COL21A1: variants seen among roughly 807,000 people sequenced by gnomAD.
COL21A1 encodes collagen type XXI alpha 1 chain, also known as collagen alpha-1(XXI) chain.
COL21A1 carries 149 observed loss-of-function variants against 137.9 expected under a neutral mutation model. The observed-to-expected ratio is 1.08, with a 90% CI of 0.95 to 1.24. COL21A1 has a LOEUF of 1.24. Among genes scored for constraint, COL21A1 ranks in the 50% most tolerant of loss-of-function variants. The pLI is 0.00. For synonymous variants in COL21A1, 456 were observed against 391.5 expected (o/e 1.16, Z -1.95); for missense variants, 1,167 against 1,158.4 (o/e 1.01, Z -0.11).
intron 1 of COL21A1, among the ~76,000 whole-genome samples, chr6:56,192,889 C>G (rs894379677): frequency 2.4e-4 from 36 of 152,142 alleles, no homozygotes; most frequent in Non-Finnish European, 4.6e-4. Context: ...CAGCACTATT[C>G]ACAATGGCAA....
chr6:56,361,566 G>T (rs76754076), intron 1 of COL21A1, among the ~76,000 whole-genome samples: 4,840 of 152,200 alleles, frequency 0.032, 121 homozygotes, highest in Non-Finnish European at 0.05. Context: ...GGTTACTACA[G>T]GAAGATAAAG....
chr6:56,384,088 A>C (rs2094013415), intron 1 of COL21A1, among the ~76,000 whole-genome samples: 1 of 152,138 alleles, frequency 6.6e-6, no homozygotes, highest in South Asian at 2.1e-4. Flanking sequence ...GCATACAGTC[A>C]CACCAGAGTC....
chr6:56,224,462 T>C (rs1349850973), intron 1 of COL21A1, among the ~76,000 whole-genome samples: 2 of 152,142 alleles, frequency 1.3e-5, no homozygotes, highest in African/African-American at 4.8e-5. Context: ...TAGTCTGTAC[T>C]TTATTTTATA....
chr6:56,354,548 G>A (rs747294602), intron 1 of COL21A1, among the ~76,000 whole-genome samples: 7 of 152,146 alleles, frequency 4.6e-5, no homozygotes, highest in Non-Finnish European at 1.0e-4. Context: ...ATTGGCCACA[G>A]ATAGAAGAAT....
chr6:56,356,767 A>G lies in COL21A1; in HGVS notation c.-39+37204T>C, dbSNP rs78638840. Among the ~76,000 whole-genome samples the G allele has an allele frequency of 9.2e-5, 14 of 152,262 alleles. No homozygotes were observed. In the East Asian group the frequency reaches 9.7e-4, roughly 11 times the overall value. On this transcript the variant is annotated intron_variant, in intron 1 of 28. Coordinates refer to the COL21A1 transcript ENST00000370819. ...TGCTGAAAATAATTAAAATTTCTCC[A>G]TGGAGGAGCCCTGCTGCCCAATTAC... is the stretch of plus-strand genomic sequence containing the variant.
intron 1 of COL21A1, among the ~76,000 whole-genome samples, chr6:56,284,481 C>A (rs1763857385): frequency 6.6e-6 from 1 of 152,248 alleles, no homozygotes; most frequent in South Asian, 2.1e-4. Context: ...ATTTGATTAA[C>A]AAGACTGTGT....
intron 1 of COL21A1, among the ~76,000 whole-genome samples, chr6:56,236,213 C>A (rs530371997): frequency 6.6e-6 from 1 of 152,094 alleles, no homozygotes; most frequent in East Asian, 1.9e-4. Context: ...CATATATTAG[C>A]TGTCTTCAAA....
At chr6:56,265,104 G>C (rs138749179) in intron 1 of COL21A1, among the ~76,000 whole-genome samples, 1 of 152,212 alleles carries the variant, frequency 6.6e-6, no homozygotes, top group African/African-American at 2.4e-5. Flanking sequence ...AGCAGGAGGA[G>C]AGGACAGTTG....
intron 9 of COL21A1, among the ~76,000 whole-genome samples, chr6:56,161,875 C>T (rs779076006): frequency 3.0e-4 from 46 of 152,114 alleles, no homozygotes; most frequent in African/African-American, 1.0e-3. Flanking sequence ...TCAGCACTTC[C>T]CCATTTATCA....
chr6:56,262,795 A>T (rs1232104865), intron 1 of COL21A1, among the ~76,000 whole-genome samples: 1 of 152,130 alleles, frequency 6.6e-6, no homozygotes, highest in Non-Finnish European at 1.5e-5. Flanking sequence ...AGAAGCAGCC[A>T]CTATGCAGCT....
At chr6:56,328,669 T>C (rs980779971) in intron 1 of COL21A1, among the ~76,000 whole-genome samples, 5 of 152,130 alleles carry the variant, frequency 3.3e-5, no homozygotes, top group African/African-American at 9.7e-5. Flanking sequence ...ATGAAAGCTA[T>C]ACATTCACAA....
At chr6:56,342,679 G>A (rs1765496896) in intron 1 of COL21A1, among the ~76,000 whole-genome samples, 1 of 152,108 alleles carries the variant, frequency 6.6e-6, no homozygotes, top group African/African-American at 2.4e-5. Context: ...TAAACACTGG[G>A]GCTGGAAAAA....
intron 16 of COL21A1, among the ~76,000 whole-genome samples, chr6:56,123,441 C>T (rs9475568): frequency 0.011 from 1,624 of 152,294 alleles, 28 homozygotes; most frequent in African/African-American, 0.035. Context: ...TTCTGAGCAA[C>T]TTTGGGATTC....
chr6:56,113,944 G>A (rs1287396080), intron 16 of COL21A1, among the ~76,000 whole-genome samples: 1 of 152,170 alleles, frequency 6.6e-6, no homozygotes, highest in African/African-American at 2.4e-5. Context: ...TCATGGCTAG[G>A]GGTGGTGGTG....
chr6:56,107,950 G>A (rs560901382), intron 16 of COL21A1, among the ~76,000 whole-genome samples: 73 of 151,922 alleles, frequency 4.8e-4, no homozygotes, highest in Admixed American at 2.4e-3. Flanking sequence ...TTAAAGAAAA[G>A]GAGAAAATAG....
At chr6:56,212,191 C>T (rs915659000) in intron 1 of COL21A1, among the ~76,000 whole-genome samples, 2 of 151,882 alleles carry the variant, frequency 1.3e-5, no homozygotes, top group African/African-American at 4.8e-5. Context: ...TTCTTGGAGC[C>T]TTGTATAATT....
At chr6:56,087,207 T>C (rs898376257) in intron 17 of COL21A1, among the ~76,000 whole-genome samples, 2 of 152,180 alleles carry the variant, frequency 1.3e-5, no homozygotes, top group Non-Finnish European at 1.5e-5. Context: ...GAATTTTATG[T>C]TTCAGGCTTC....
intron 1 of COL21A1, among the ~76,000 whole-genome samples, chr6:56,228,624 A>G (rs890377237): frequency 6.6e-6 from 1 of 151,288 alleles, no homozygotes; most frequent in Non-Finnish European, 1.5e-5. Flanking sequence ...GTATGGACAG[A>G]TGAAAATGCT....
At chr6:56,099,344 C>T (rs572586288) in intron 17 of COL21A1, among the ~76,000 whole-genome samples, 26 of 151,238 alleles carry the variant, frequency 1.7e-4, no homozygotes, top group African/African-American at 3.6e-4. Flanking sequence ...CACCATTCTC[C>T]GGCCTCAGCC....
Sources: allele counts gnomAD v4.1 joint callset (sites outside exome capture counted in the v4.1 genomes callset), GRCh38; gene constraint gnomAD v4.1.1; transcripts MANE v1.5; gene names NCBI Gene and HGNC (gene_info 2026-07-23, HGNC 2026-07-21).